The following RDH10 variants were observed in gnomAD, a reference collection of about 807,000 sequenced individuals.
RDH10 encodes the protein retinol dehydrogenase 10.
Under a neutral mutation model 30.2 loss-of-function variants are expected in RDH10, and 12 were observed. That is an observed-to-expected ratio of 0.40 (90% CI 0.25 to 0.64). The LOEUF is 0.64. RDH10 is among the 30% of genes least tolerant of loss of function. The pLI is 0.43. For synonymous variants in RDH10, 189 were observed against 172.2 expected, an observed-to-expected ratio of 1.10 and a Z score of -0.76; for missense variants, 268 against 445.2, an observed-to-expected ratio of 0.60 and a Z score of 3.58.
In RDH10 at chr8:73,294,758, C is replaced by T. The variant is rs567443597; in HGVS notation, c.-532C>T. 12 of 363,378 alleles carry T rather than the reference C, an allele frequency of 3.3e-5. No individual in the cohort carries two copies. The Admixed American group carries it at 4.6e-4, about 14-fold the overall frequency. 22.5% of individuals were successfully genotyped at this position (363,378 alleles called of 1,614,324 possible). ...CTTGCCTGCGCCGAGCGAGTCTCCC[C>T]TTCCCGGCGCTCCGCCGCCCCGCAC... On this transcript the variant is annotated 5_prime_UTR_variant, in exon 1 of 6. Coordinates refer to ENST00000240285, the MANE Select transcript of RDH10 (RefSeq NM_172037.5).
At chr8:73,315,340 G>T (rs989915208) in intron 2 of RDH10, 7 of 193,606 alleles carry the variant, frequency 3.6e-5, no homozygotes, top group South Asian at 7.8e-5. Context: ...ACAATTTGGG[G>T]GTGGGGGGAG....
chr8:73,298,618 C>G lies in RDH10; in HGVS notation c.525+1189C>G, dbSNP rs139654301. Among the ~76,000 whole-genome samples, 444 of 152,258 alleles carry G rather than the reference C, an allele frequency of 2.9e-3. 2 individuals carry two copies. Among genetic ancestry groups the G allele is most frequent in the African/African-American group, 0.01 (431 of 41,534 alleles). On this transcript the variant is annotated intron_variant, in intron 2 of 5. Transcript: ENST00000240285. ...TCTTGGCTCACTGCAACCTCTGCCT[C>G]CCAAGTTCAAGCAATTTTCCTGCCT...
At chr8:73,297,015 A>C in intron 1 of RDH10, 179 bp from the exon 2 acceptor site, 2 of 589,966 alleles carry the variant, frequency 3.4e-6, no homozygotes, top group South Asian at 2.0e-5. Flanking sequence ...CAAAGACTTC[A>C]TGGGAGGAAG....
intron 2 of RDH10, chr8:73,311,906 G>C (rs967854761): frequency 6.6e-6 from 1 of 152,204 alleles, no homozygotes; most frequent in Non-Finnish European, 1.5e-5. Flanking sequence ...TAGAATTTCT[G>C]TTGTCAGCTG....
intron 2 of RDH10, among the ~76,000 whole-genome samples, chr8:73,309,961 G>A (rs1023352997): frequency 1.8e-4 from 27 of 152,168 alleles, no homozygotes; most frequent in Non-Finnish European, 1.3e-4. Flanking sequence ...GAGAAACGCT[G>A]TTCTAGAGCA....
intron 1 of RDH10, chr8:73,296,011 C>A (rs945869206): frequency 1.1e-5 from 2 of 180,118 alleles, no homozygotes; most frequent in Admixed American, 6.4e-5. Flanking sequence ...ACCCCTTAGA[C>A]GAGGGCAGTA....
In RDH10 at chr8:73,322,742, G is replaced by A. The variant is rs920062292; in HGVS notation, c.834G>A (p.Lys278=). 5.0e-6 allele frequency: 8 copies of A among 1,613,968 alleles called. No individual in the cohort carries two copies. The highest frequency in any genetic ancestry group is 6.8e-6 in the Non-Finnish European group (8 of 1,179,904). ...KPDYCVKQAM[K]AILTDQPMIC... ...ATTACTGTGTGAAGCAGGCCATGAAGGCCATCCTCACTGACCAGCCCATGA... is the reference window on the plus strand; with the variant it reads ...ATTACTGTGTGAAGCAGGCCATGAAAGCCATCCTCACTGACCAGCCCATGA... The change falls in exon 5 of 6, where the codon AAG becomes AAA. Residue 278 remains lysine, a synonymous_variant. Transcript: ENST00000240285.
Sources: allele counts gnomAD v4.1 joint callset (sites outside exome capture counted in the v4.1 genomes callset), GRCh38; gene constraint gnomAD v4.1.1; transcripts MANE v1.5; gene names NCBI Gene and HGNC (gene_info 2026-07-23, HGNC 2026-07-21).